Variants in CCDC171 observed in about 807,000 individuals in gnomAD.
CCDC171 encodes coiled-coil domain-containing protein 171.
In CCDC171, 177 loss-of-function variants were observed where a neutral mutation model predicts 168.2. That is an observed-to-expected ratio of 1.05 (90% CI 0.93 to 1.19). CCDC171 has a LOEUF of 1.19. Ranked by LOEUF, CCDC171 falls within the 50% of genes most tolerant of loss-of-function variation. The pLI, the probability that CCDC171 is intolerant of heterozygous loss-of-function variation, is 0.00. For missense variants in CCDC171, 1,991 were observed against 1,539.0 expected (o/e 1.29, Z -4.91); for synonymous variants, 687 against 540.8 (o/e 1.27, Z -3.75).
chr9:15,790,958 C>T (rs1216473694), intron 21 of CCDC171, among the ~76,000 whole-genome samples: 2 of 152,198 alleles, frequency 1.3e-5, no homozygotes, highest in East Asian at 1.9e-4. Flanking sequence ...TGGTCTATAT[C>T]TCTGTTTTGG....
chr9:16,065,010 G>T (rs1242562810), downstream of CCDC171, among the ~76,000 whole-genome samples: 2 of 152,156 alleles, frequency 1.3e-5, no homozygotes, highest in Non-Finnish European at 2.9e-5. Context: ...GTATTGTTAA[G>T]TGCACCAGCT....
At chr9:15,896,625 A>G (rs1820931195) in intron 24 of CCDC171, among the ~76,000 whole-genome samples, 1 of 152,122 alleles carries the variant, frequency 6.6e-6, no homozygotes, top group African/African-American at 2.4e-5. Flanking sequence ...CATATTTGCA[A>G]CAAAATTTTT....
At chr9:15,935,062 A>T (rs1389450859) in intron 25 of CCDC171, among the ~76,000 whole-genome samples, 1 of 152,120 alleles carries the variant, frequency 6.6e-6, no homozygotes, top group Non-Finnish European at 1.5e-5. Flanking sequence ...TGGGGTGATG[A>T]AAAGGTTCTG....
intron 18 of CCDC171, among the ~76,000 whole-genome samples, chr9:15,756,443 T>A (rs534658489): frequency 6.6e-6 from 1 of 152,210 alleles, no homozygotes; most frequent in Middle Eastern, 3.2e-3. Flanking sequence ...GTGGGTATAT[T>A]GTGTGATGCT....
the CCDC171 span, among the ~76,000 whole-genome samples, chr9:16,106,283 A>G: frequency 6.6e-6 from 1 of 152,230 alleles, no homozygotes; most frequent in Non-Finnish European, 1.5e-5. Flanking sequence ...TTGCCCAAAC[A>G]AAAGGCAGCT....
intron 11 of CCDC171, among the ~76,000 whole-genome samples, chr9:15,700,112 G>A (rs1425601943): frequency 6.6e-6 from 1 of 152,208 alleles, no homozygotes; most frequent in African/African-American, 2.4e-5. Context: ...TCATCAGGGA[G>A]GCTCCGGTGC....
intron 3 of CCDC171, among the ~76,000 whole-genome samples, chr9:15,988,876 G>C (rs1430442104): frequency 6.6e-6 from 1 of 152,166 alleles, no homozygotes; most frequent in Admixed American, 6.5e-5. Context: ...CAGCAGGGCT[G>C]GGGGAGGGGT....
At chr9:16,070,668 G>A in the CCDC171 span, among the ~76,000 whole-genome samples, 45 of 152,252 alleles carry the variant, frequency 3.0e-4, no homozygotes, top group East Asian at 8.3e-3. Flanking sequence ...GAGAGGAGCC[G>A]CCTGGTTTCC....
intron 3 of CCDC171, among the ~76,000 whole-genome samples, chr9:15,980,513 C>G (rs913958832): frequency 1.3e-5 from 2 of 152,070 alleles, no homozygotes; most frequent in Non-Finnish European, 2.9e-5. Flanking sequence ...CTGCTCTCCC[C>G]AGGCCCATGC....
intron 1 of CCDC171, among the ~76,000 whole-genome samples, chr9:15,562,323 A>T (rs2039370569): frequency 6.6e-6 from 1 of 152,022 alleles, no homozygotes; most frequent in African/African-American, 2.4e-5. Context: ...GGTCAGCAGG[A>T]GATTGTCATT....
chr9:15,571,057 A>G (rs1188973436), intron 2 of CCDC171, among the ~76,000 whole-genome samples: 1 of 152,132 alleles, frequency 6.6e-6, no homozygotes, highest in South Asian at 2.1e-4. Flanking sequence ...GGTGTTGCCA[A>G]TTACTGAGCT....
At chr9:15,612,103 G>T (rs2043740856) in intron 6 of CCDC171, among the ~76,000 whole-genome samples, 2 of 152,148 alleles carry the variant, frequency 1.3e-5, no homozygotes, top group Non-Finnish European at 2.9e-5. Flanking sequence ...CCTTGATCTT[G>T]TATTTCCCAT....
chr9:16,067,344 T>A, the CCDC171 span, among the ~76,000 whole-genome samples: 19,952 of 151,802 alleles, frequency 0.13, 1,461 homozygotes, highest in Admixed American at 0.2. Flanking sequence ...TTGAGTTCAT[T>A]GTAGATTCTG....
At chr9:15,908,206 G>T (rs558662813) in intron 24 of CCDC171, among the ~76,000 whole-genome samples, 1 of 151,996 alleles carries the variant, frequency 6.6e-6, no homozygotes, top group Non-Finnish European at 1.5e-5. Context: ...ACATGCACAC[G>T]TATGTTTATT....
At chr9:15,898,766 G>T (rs117649152) in intron 24 of CCDC171, among the ~76,000 whole-genome samples, 2 of 152,140 alleles carry the variant, frequency 1.3e-5, no homozygotes, top group South Asian at 4.1e-4. Flanking sequence ...CCCTGTGTAC[G>T]CTTTATCCAG....
In CCDC171 at chr9:15,820,607, C is replaced by T. The variant is rs564652872; in HGVS notation, c.3268-26095C>T. Among the ~76,000 whole-genome samples the T allele has an allele frequency of 8.5e-5, 10 of 117,198 alleles. 3 individuals carry two copies. Among genetic ancestry groups the T allele is most frequent in the East Asian group, 6.4e-4 (3 of 4,672 alleles). 76.9% of individuals were successfully genotyped at this position (117,198 alleles called of 152,430 possible). On this transcript the variant is annotated intron_variant, in intron 21 of 25. Coordinates refer to ENST00000380701, the MANE Select transcript of CCDC171 (RefSeq NM_173550.4). ...ATCTAGAAGAAATGGATAAATTCCT[C>T]GACACATACACCCTCCTAAGACTAA...
At position 15,580,864 on chromosome 9, in the gene CCDC171, C is replaced by G. The variant is rs190860046; in HGVS notation, c.352+1841C>G. Among the ~76,000 whole-genome samples, 9 of 152,194 alleles carry G rather than the reference C, an allele frequency of 5.9e-5. No homozygotes were observed. The East Asian group carries it at 1.5e-3, about 26-fold the overall frequency. ...AAACTGGAAGCATTCCCTTTGAAAA[C>G]CGGCACAAGACAAGGATGCCCTCTC... On this transcript the variant is annotated intron_variant, in intron 4 of 25. Transcript: ENST00000380701.
At chr9:15,639,735 A>G (rs2046453069) in intron 7 of CCDC171, among the ~76,000 whole-genome samples, 1 of 152,136 alleles carries the variant, frequency 6.6e-6, no homozygotes, top group African/African-American at 2.4e-5. Flanking sequence ...CATGATCAAG[A>G]TGACTGGCAC....
intron 25 of CCDC171, among the ~76,000 whole-genome samples, chr9:15,970,615 A>T (rs1211947784): frequency 1.3e-5 from 2 of 152,168 alleles, no homozygotes; most frequent in African/African-American, 4.8e-5. Context: ...TACTGACGTC[A>T]CTTAAGGCTT....
Sources: gnomAD v4.1 joint callset for allele counts (sites outside exome capture counted in the v4.1 genomes callset) on GRCh38, gnomAD v4.1.1 for gene constraint, MANE v1.5 for transcripts, NCBI Gene and HGNC (gene_info 2026-07-23, HGNC 2026-07-21) for gene names.